NRG4: variants seen among roughly 807,000 people sequenced by gnomAD.
NRG4 encodes the protein pro-neuregulin-4, membrane-bound isoform.
NRG4 carries 10 observed loss-of-function variants against 15.0 expected under a neutral mutation model. That is an observed-to-expected ratio of 0.67 (90% CI 0.41 to 1.13). NRG4 has a LOEUF of 1.13. NRG4 is among the 50% of genes most tolerant of loss of function. The pLI is 0.00. For missense variants in NRG4, 139 were observed against 140.2 expected (o/e 0.99, Z 0.04); for synonymous variants, 41 against 50.1 (o/e 0.82, Z 0.77).
intron 2 of NRG4, among the ~76,000 whole-genome samples, chr15:76,009,499 A>G (rs2034730018): frequency 6.6e-6 from 1 of 152,188 alleles, no homozygotes; most frequent in Non-Finnish European, 1.5e-5. Context: ...TATGTCCTAA[A>G]GATATGGCCA....
At position 75,971,295 on chromosome 15, in the gene NRG4, G is replaced by C. The variant is rs572065055; in HGVS notation, c.105-9321C>G. 34 of 454,808 alleles carry C rather than the reference G, an allele frequency of 7.5e-5. No homozygotes were observed. In the East Asian group the frequency reaches 1.6e-3, roughly 21 times the overall value. 28.2% of individuals were successfully genotyped at this position (454,808 alleles called of 1,614,324 possible). A position where few individuals can be genotyped will look rare whatever the true frequency, so the allele number is the denominator to read the frequency against. The stretch of plus-strand genomic sequence containing the variant: ...TGGTTTTACAGTTTGACCATCTCAT[G>C]ATCTCTGTAGAAGGTGATATAGATC... On this transcript the variant is annotated intron_variant, in intron 3 of 5. Transcript: ENST00000394907.
At chr15:75,958,551 C>G (rs1195730895) in intron 4 of NRG4, among the ~76,000 whole-genome samples, 1 of 152,122 alleles carries the variant, frequency 6.6e-6, no homozygotes, top group Non-Finnish European at 1.5e-5. Context: ...TTCTGTCAAC[C>G]ACCTGATGAC....
At position 75,957,229 on chromosome 15, in the gene NRG4, C is replaced by G. The variant is rs116814237; in HGVS notation, c.252-1218G>C. 4.3e-3 allele frequency among the ~76,000 whole-genome samples: 651 copies of G among 152,300 alleles called. 13 individuals are homozygous for G. The highest frequency in any genetic ancestry group is 0.015 in the African/African-American group (616 of 41,562). On this transcript the variant is annotated intron_variant, in intron 4 of 5. Coordinates refer to ENST00000394907, the MANE Select transcript of NRG4 (RefSeq NM_138573.4). ...AGTAATAGCTTTCTGTTCTTTCTTG[C>G]ACTTCACACACGCCGTATAGGATCA...
intron 5 of NRG4, among the ~76,000 whole-genome samples, chr15:76,018,270 A>G (rs1315771611): frequency 2.0e-5 from 3 of 152,140 alleles, no homozygotes; most frequent in Non-Finnish European, 2.9e-5. Context: ...TTGAGTTAGA[A>G]TATCCTCCTT....
intron 5 of NRG4, among the ~76,000 whole-genome samples, chr15:76,018,518 C>T (rs1242387197): frequency 6.6e-6 from 1 of 152,126 alleles, no homozygotes; most frequent in Admixed American, 6.5e-5. Flanking sequence ...TCTAAGTGGA[C>T]ATCCTTTTTG....
Position 75,955,981 on chromosome 15 carries a change from GA to G in NRG4, c.281del (p.Val94AlafsTer8). Reference sequence around the variant, plus strand: ...TCTCTACCAGGTTGATATCATACTGGACTGAACTGGCTCTCTGAAAGTGGCC... The same window carrying G: ...TCTCTACCAGGTTGATATCATACTGGCTGAACTGGCTCTCTGAAAGTGGCC... ...RKGHFQRASS[V>X]QYDINLVETS... On this transcript the variant is annotated frameshift_variant, in exon 5 of 6. Coordinates refer to ENST00000394907, the MANE Select transcript of NRG4 (RefSeq NM_138573.4). LOFTEE classifies it high-confidence loss of function. The G allele has an allele frequency of 1.9e-6, 3 of 1,611,564 alleles. No individual in the cohort carries two copies. Among genetic ancestry groups the G allele is most frequent in the Non-Finnish European group, 2.5e-6 (3 of 1,177,738 alleles).
chr15:76,013,371 T>C (rs2034877717), upstream of NRG4, among the ~76,000 whole-genome samples: 1 of 152,184 alleles, frequency 6.6e-6, no homozygotes, highest in Non-Finnish European at 1.5e-5. Context: ...AATTATACTT[T>C]AAGTTCTGGG....
chr15:76,054,106 G>C (rs2036092264), intron 2 of NRG4, among the ~76,000 whole-genome samples: 1 of 150,492 alleles, frequency 6.6e-6, no homozygotes, highest in African/African-American at 2.5e-5. Flanking sequence ...CTTTCTTTTT[G>C]AGATGGGGTG....
chr15:76,045,882 T>C lies in NRG4; in HGVS notation c.-105+6185A>G, dbSNP rs2035858084. 1.3e-5 allele frequency among the ~76,000 whole-genome samples: 2 copies of C among 150,878 alleles called. 1 individual carries two copies. The highest frequency in any genetic ancestry group is 4.9e-5 in the African/African-American group (2 of 40,454). On this transcript the variant is annotated intron_variant, in intron 4 of 8. Transcript: ENST00000563910. Reference sequence around the variant, plus strand: ...CCTAGTATTTGCTAGCACAACAGGGTGACTACAGTAAAAAATAATGTAATT... The same window carrying C: ...CCTAGTATTTGCTAGCACAACAGGGCGACTACAGTAAAAAATAATGTAATT...
intron 5 of NRG4, among the ~76,000 whole-genome samples, chr15:76,017,839 G>A (rs762725359): frequency 3.9e-5 from 6 of 152,076 alleles, no homozygotes; most frequent in Non-Finnish European, 8.8e-5. Context: ...TCTTTGTGGT[G>A]TTCTCGGTAT....
At chr15:75,943,760 C>G (rs2031241460) in intron 5 of NRG4, 106 bp from the exon 6 acceptor site, 1 of 743,896 alleles carries the variant, frequency 1.3e-6, no homozygotes, top group African/African-American at 1.8e-5. Flanking sequence ...TAAGCCAACC[C>G]CTTCTGTTTG....
At chr15:75,943,729 C>G in intron 5 of NRG4, 75 bp from the exon 6 acceptor site, 4 of 911,330 alleles carry the variant, frequency 4.4e-6, no homozygotes, top group African/African-American at 1.7e-5. Context: ...ATCTACATGT[C>G]TCTTATCTTC....
exon 5 of NRG4, chr15:76,035,967 T>C (rs2035588029): frequency 6.6e-6 from 1 of 152,248 alleles, no homozygotes; most frequent in Non-Finnish European, 1.5e-5. Flanking sequence ...GATTATAATT[T>C]GGGTTTCCCA....
At position 75,977,870 on chromosome 15, in the gene NRG4, G is replaced by A. The variant is rs941272385; in HGVS notation, c.105-15896C>T. On this transcript the variant is annotated intron_variant, in intron 3 of 5. Transcript: ENST00000394907. The surrounding 1 kb of genome is among the most constrained non-coding windows in gnomAD (Gnocchi z 4.9). ...CTCACTCTGTTGCCCAGGCTGGAGTGCAGTGGTGTGATCTCGGCTCACTAC... is the reference window on the plus strand; with the variant it reads ...CTCACTCTGTTGCCCAGGCTGGAGTACAGTGGTGTGATCTCGGCTCACTAC... Among the ~76,000 whole-genome samples the A allele has an allele frequency of 2.4e-4, 37 of 152,204 alleles. No individual in the cohort carries two copies. Among genetic ancestry groups the A allele is most frequent in the African/African-American group, 8.7e-4 (36 of 41,534 alleles).
intron 3 of NRG4, among the ~76,000 whole-genome samples, chr15:75,975,683 C>T (rs1345898973): frequency 6.6e-6 from 1 of 152,182 alleles, no homozygotes; most frequent in African/African-American, 2.4e-5. Flanking sequence ...GGCCCCCGCT[C>T]TCTTCTGGCT....
intron 5 of NRG4, chr15:75,950,878 TC>T (rs1026180361): frequency 1.2e-5 from 2 of 173,738 alleles, no homozygotes; most frequent in African/African-American, 4.7e-5. Flanking sequence ...TATGTCTTCC[TC>T]CCTTTTGCTT....
chr15:76,023,900 C>G (rs939583621), intron 5 of NRG4, among the ~76,000 whole-genome samples: 6 of 152,224 alleles, frequency 3.9e-5, no homozygotes, highest in Admixed American at 3.9e-4. Context: ...GCTGCACACT[C>G]TCCCCTAAGC....
intron 1 of NRG4, among the ~76,000 whole-genome samples, chr15:76,058,217 T>C (rs560653666): frequency 6.6e-6 from 1 of 152,328 alleles, no homozygotes; most frequent in South Asian, 2.1e-4. Flanking sequence ...GCATCCTCCA[T>C]TAATTTTTCT....
intron 3 of NRG4, among the ~76,000 whole-genome samples, chr15:75,976,945 A>G (rs2033392009): frequency 6.6e-6 from 1 of 152,206 alleles, no homozygotes; most frequent in African/African-American, 2.4e-5. Context: ...CCCTTCCTGC[A>G]GGTGCTCTGT....
Sources: allele counts gnomAD v4.1 joint callset (sites outside exome capture counted in the v4.1 genomes callset), GRCh38; gene constraint gnomAD v4.1.1; non-coding constraint Gnocchi (gnomAD v3.1); transcripts MANE v1.5; gene names NCBI Gene and HGNC (gene_info 2026-07-23, HGNC 2026-07-21).